AR: variants seen among roughly 807,000 people sequenced by gnomAD.
AR encodes the protein dihydrotestosterone receptor.
A neutral mutation model predicts 53.9 loss-of-function variants in AR; 8 were observed. The observed-to-expected ratio is 0.15, with a 90% CI of 0.09 to 0.27. AR has a LOEUF of 0.27. Among genes scored for constraint, AR ranks in the 10% least tolerant of loss-of-function variants. The probability of loss-of-function intolerance (pLI) is 1.00; values close to 1 mark genes in which losing one functional copy is unlikely to be tolerated. For synonymous variants in AR, 359 were observed against 316.4 expected (o/e 1.13, Z -1.43); for missense variants, 639 against 742.5 (o/e 0.86, Z 1.62).
At chrX:67,614,629 T>C (rs1332363939) in intron 1 of AR, among the ~76,000 whole-genome samples, 1 of 111,098 alleles carries the variant, frequency 9.0e-6, no homozygotes, top group African/African-American at 3.3e-5. Flanking sequence ...GTTGTTACAA[T>C]ATAGTATCTA....
intron 2 of AR, among the ~76,000 whole-genome samples, chrX:67,655,129 G>A (rs1477961369): frequency 2.8e-5 from 3 of 108,834 alleles, no homozygotes; most frequent in African/African-American, 6.7e-5. Context: ...AGTACATACT[G>A]CTTATCTCTG....
At chrX:67,680,402 G>GT (rs1259345469) in intron 2 of AR, among the ~76,000 whole-genome samples, 2 of 112,020 alleles carry the variant, frequency 1.8e-5, no homozygotes, top group Non-Finnish European at 3.8e-5. Context: ...TCAAGATTTT[G>GT]TTTGAGTTGT....
chrX:67,712,746 T>C (rs984148703), intron 4 of AR, among the ~76,000 whole-genome samples: 7 of 112,165 alleles, frequency 6.2e-5, no homozygotes, highest in African/African-American at 2.3e-4. Context: ...TTAAAGGTTC[T>C]CCTAATCCTG....
At chrX:67,629,145 G>A (rs970572850) in intron 1 of AR, among the ~76,000 whole-genome samples, 1 of 110,784 alleles carries the variant, frequency 9.0e-6, no homozygotes, top group Non-Finnish European at 1.9e-5. Context: ...GATGATGCTG[G>A]CCTCATAAAA....
At chrX:67,640,709 C>A (rs975595778) in intron 1 of AR, among the ~76,000 whole-genome samples, 31 of 110,663 alleles carry the variant, frequency 2.8e-4, no homozygotes, top group Non-Finnish European at 5.5e-4. Context: ...TCTCTCTTTT[C>A]TTCTTTAGTA....
Position 67,562,550 on chromosome X carries a change from G to A in AR, c.1616+15788G>A, listed in dbSNP as rs146355956. On this transcript the variant is annotated intron_variant, in intron 1 of 7. Coordinates refer to ENST00000374690, the MANE Select transcript of AR (RefSeq NM_000044.6). ...GCAGCTGATCCTCTGGATGGGCCATGCACTTTGCAGTTTGCCCAGGCAGCA... is the reference window on the plus strand; with the variant it reads ...GCAGCTGATCCTCTGGATGGGCCATACACTTTGCAGTTTGCCCAGGCAGCA... Among the ~76,000 whole-genome samples, 130 of 111,772 alleles carry A rather than the reference G, an allele frequency of 1.2e-3. 1 individual carries two copies. Among genetic ancestry groups the A allele is most frequent in the African/African-American group, 4.2e-3 (128 of 30,746 alleles).
At chrX:67,702,277 G>A (rs928562169) in intron 3 of AR, among the ~76,000 whole-genome samples, 11 of 111,694 alleles carry the variant, frequency 9.8e-5, no homozygotes, top group African/African-American at 3.6e-4. Flanking sequence ...GGCAACTCCC[G>A]AGCTCAAAGC....
chrX:67,545,604 C>G lies in AR; in HGVS notation c.458C>G (p.Pro153Arg), dbSNP rs765142941. Residue 153 changes from proline (P) to arginine (R), a missense_variant, in exon 1 of 8, where the codon CCG becomes CGG. Around this residue, in one of 5 missense-constraint regions of AR, gnomAD observed 423 missense variants for 377.0 expected, o/e 1.12. Coordinates refer to ENST00000374690, the MANE Select transcript of AR (RefSeq NM_000044.6). The stretch of plus-strand genomic sequence containing the variant: ...CTGCCGCAGCAGCTGCCAGCACCTC[C>G]GGACGAGGATGACTCAGCTGCCCCA... ...KGLPQQLPAP[P>R]DEDDSAAPST... The G allele has an allele frequency of 8.4e-7, 1 of 1,188,084 alleles. No individual in the cohort carries two copies. The highest frequency in any genetic ancestry group is 1.1e-6 in the Non-Finnish European group (1 of 883,545).
Position 67,558,812 on chromosome X carries a change from T to TA in AR, c.1616+12050_1616+12051insA, listed in dbSNP as rs1440722135. Among the ~76,000 whole-genome samples the TA allele has an allele frequency of 5.3e-5, 6 of 112,168 alleles. No homozygotes were observed. The Admixed American group carries it at 5.7e-4, about 11-fold the overall frequency. On this transcript the variant is annotated intron_variant, in intron 1 of 7. Transcript: ENST00000374690. ...TGCCAATTTTTACAGTCAGACATTG[T>TA]TTTATTTATTTTACATGTATTAATT... is the stretch of plus-strand genomic sequence containing the variant.
At chrX:67,720,494 G>A (rs1486506574) in intron 5 of AR, among the ~76,000 whole-genome samples, 1 of 112,050 alleles carries the variant, frequency 8.9e-6, no homozygotes, top group Non-Finnish European at 1.9e-5. Flanking sequence ...CTGGAGCAGA[G>A]CCAGACCTCA....
chrX:67,686,715 C>A (rs2075968854), intron 3 of AR, among the ~76,000 whole-genome samples: 1 of 111,612 alleles, frequency 9.0e-6, no homozygotes. Flanking sequence ...TTAATAATTT[C>A]CTTTTCTTTG....
At chrX:67,566,549 G>A (rs1197038163) in intron 1 of AR, among the ~76,000 whole-genome samples, 5 of 111,699 alleles carry the variant, frequency 4.5e-5, no homozygotes, top group South Asian at 3.8e-4. Flanking sequence ...TGTGTGTGAA[G>A]GTTGAGTGTG....
intron 1 of AR, among the ~76,000 whole-genome samples, chrX:67,595,929 G>A (rs1212486198): frequency 8.9e-6 from 1 of 111,750 alleles, no homozygotes; most frequent in Non-Finnish European, 1.9e-5. Context: ...CCCAAATTTG[G>A]TTTTGAATTG....
intron 2 of AR, among the ~76,000 whole-genome samples, chrX:67,663,108 C>T (rs1456244770): frequency 9.0e-6 from 1 of 111,568 alleles, no homozygotes; most frequent in Non-Finnish European, 1.9e-5. Context: ...TTAATTGGAG[C>T]ATTTAGCCCA....
At chrX:67,686,215 T>C in intron 3 of AR, 89 bp downstream of exon 3, 1 of 983,476 alleles carries the variant, frequency 1.0e-6, no homozygotes, top group Non-Finnish European at 1.4e-6. Flanking sequence ...ATTTTCTTCT[T>C]TGATGCTTCC....
In AR at chrX:67,546,282, C is replaced by T. The variant is rs2147320381; in HGVS notation, c.1136C>T (p.Pro379Leu). 8.3e-7 allele frequency: 1 copy of T among 1,205,288 alleles called. No homozygotes were observed. Among genetic ancestry groups the T allele is most frequent in the Non-Finnish European group, 1.1e-6 (1 of 892,557 alleles). The change falls in exon 1 of 8, where the codon CCG becomes CTG. Residue 379 changes from proline (P) to leucine (L), a missense_variant. Pro to Leu is a moderately conservative substitution (Grantham distance 98). Coordinates refer to ENST00000374690, the MANE Select transcript of AR (RefSeq NM_000044.6). ...LALAGPPPPP[P>L]PPHPHARIKL... ...CTGGCCGGACCGCCGCCCCCTCCGC[C>T]GCCTCCCCATCCCCACGCTCGCATC...
intron 3 of AR, among the ~76,000 whole-genome samples, chrX:67,697,231 C>T (rs2076024637): frequency 9.0e-6 from 1 of 111,679 alleles, no homozygotes; most frequent in East Asian, 2.8e-4. Flanking sequence ...TCTGCCAAGT[C>T]TCTCTTATGT....
intron 1 of AR, among the ~76,000 whole-genome samples, chrX:67,566,596 T>A (rs1921568003): frequency 9.0e-6 from 1 of 111,356 alleles, no homozygotes; most frequent in East Asian, 2.8e-4. Flanking sequence ...TTAAGTAGGA[T>A]CTATGGGGGG....
chrX:67,700,977 A>C (rs1005448336), intron 3 of AR, among the ~76,000 whole-genome samples: 1 of 111,412 alleles, frequency 9.0e-6, no homozygotes, highest in Non-Finnish European at 1.9e-5. Context: ...CTTCTTTATC[A>C]ATAGCTTTAG....
Sources: allele counts gnomAD v4.1 joint callset (sites outside exome capture counted in the v4.1 genomes callset), GRCh38; gene constraint gnomAD v4.1.1; regional missense constraint gnomAD v4.1.1; transcripts MANE v1.5; gene names NCBI Gene and HGNC (gene_info 2026-07-23, HGNC 2026-07-21).